The following ZFPM2 variants were observed in gnomAD, a reference collection of about 807,000 sequenced individuals.
ZFPM2 encodes zinc finger protein ZFPM2.
ZFPM2 carries 20 observed loss-of-function variants against 98.6 expected under a neutral mutation model. The ratio of observed to expected loss-of-function variants is 0.20; its 90% CI spans 0.14 to 0.29. ZFPM2 has a LOEUF of 0.29. ZFPM2 is among the 10% of genes least tolerant of loss of function. ZFPM2 has a pLI of 1.00. For missense variants in ZFPM2, 1,310 were observed against 1,388.6 expected (o/e 0.94, Z 0.90); for synonymous variants, 518 against 502.7 (o/e 1.03, Z -0.41).
At chr8:105,529,765 C>G (rs2130577801) in intron 3 of ZFPM2, among the ~76,000 whole-genome samples, 1 of 152,048 alleles carries the variant, frequency 6.6e-6, no homozygotes. Flanking sequence ...GAGTCTTGCA[C>G]TGTCTCCTGG....
At position 105,561,349 on chromosome 8, in the gene ZFPM2, T is replaced by A; in HGVS notation, c.302-14T>A. The A allele has an allele frequency of 6.2e-7, 1 of 1,606,940 alleles. No homozygotes were observed. The highest frequency in any genetic ancestry group is 2.2e-5 in the East Asian group (1 of 44,704). On this transcript the variant is annotated splice_polypyrimidine_tract_variant and intron_variant, in intron 3 of 7. Transcript: ENST00000407775. ...AAGTAAGTATTCTAAACACTTCTGT[T>A]CCTTTGTCTGCAGGAGAGCTGGAGG... is the stretch of plus-strand genomic sequence containing the variant.
At chr8:105,799,036 T>C in intron 7 of ZFPM2, 88 bp downstream of exon 7, 8 of 1,197,118 alleles carry the variant, frequency 6.7e-6, no homozygotes, top group Non-Finnish European at 8.2e-6. Context: ...CGTCTATATC[T>C]GTCTATCTGT....
At chr8:105,754,946 ATGTGTGTGTG>A (rs34267329) in intron 5 of ZFPM2, among the ~76,000 whole-genome samples, 2,172 of 146,540 alleles carry the variant, frequency 0.015, 36 homozygotes, top group East Asian at 0.047. Flanking sequence ...GAAATTTAAT[ATGTGTGTGTG>A]TGTGTGTGTG....
intron 3 of ZFPM2, among the ~76,000 whole-genome samples, chr8:105,512,594 G>A (rs1813839208): frequency 6.6e-6 from 1 of 152,026 alleles, no homozygotes; most frequent in South Asian, 2.1e-4. Context: ...ATTAATGGGT[G>A]GACTCCAGAA....
intron 5 of ZFPM2, among the ~76,000 whole-genome samples, chr8:105,658,571 A>G: frequency 3.0e-5 from 1 of 32,930 alleles, no homozygotes; most frequent in Non-Finnish European, 5.7e-5. Flanking sequence ...CCTGGGCGAC[A>G]GCGAGACTCC....
intron 5 of ZFPM2, among the ~76,000 whole-genome samples, chr8:105,782,070 C>G (rs1813267617): frequency 6.6e-6 from 1 of 152,188 alleles, no homozygotes; most frequent in African/African-American, 2.4e-5. Context: ...ACTTACACTT[C>G]CAGCATCATG....
chr8:105,464,538 A>G lies in ZFPM2; in HGVS notation c.301+20157A>G, dbSNP rs114562700. 4.1e-3 allele frequency among the ~76,000 whole-genome samples: 630 copies of G among 152,124 alleles called. 3 individuals carry two copies. Among genetic ancestry groups the G allele is most frequent in the African/African-American group, 0.014 (597 of 41,522 alleles). On this transcript the variant is annotated intron_variant, in intron 3 of 7. Coordinates refer to ENST00000407775, the MANE Select transcript of ZFPM2 (RefSeq NM_012082.4). ...GAGAGAGAGAAAACCATCAGTCAGG[A>G]TGTGGGAGAATGCAGGCTCCTGATG...
At chr8:105,556,270 G>A (rs138792780) in intron 3 of ZFPM2, among the ~76,000 whole-genome samples, 161 of 152,228 alleles carry the variant, frequency 1.1e-3, no homozygotes, top group African/African-American at 3.5e-3. Context: ...AGGATATGAG[G>A]AGTGATTTGG....
intron 5 of ZFPM2, among the ~76,000 whole-genome samples, chr8:105,725,713 A>G (rs1369508829): frequency 1.3e-5 from 2 of 151,724 alleles, no homozygotes; most frequent in African/African-American, 4.8e-5. Context: ...CTAGCATTTT[A>G]TATATTGTGT....
chr8:105,543,799 A>G (rs1814632420), intron 3 of ZFPM2, among the ~76,000 whole-genome samples: 1 of 152,276 alleles, frequency 6.6e-6, no homozygotes, highest in Middle Eastern at 3.4e-3. Flanking sequence ...CAGGCGTAAT[A>G]CTACATCTTA....
At chr8:105,408,161 T>C (rs897045042) in intron 1 of ZFPM2, among the ~76,000 whole-genome samples, 2 of 151,978 alleles carry the variant, frequency 1.3e-5, no homozygotes, top group African/African-American at 2.4e-5. Context: ...AAGCTAGTTT[T>C]GTTATCACAC....
intron 1 of ZFPM2, among the ~76,000 whole-genome samples, chr8:105,336,684 T>C (rs1812330367): frequency 8.3e-6 from 1 of 121,200 alleles, no homozygotes; most frequent in African/African-American, 3.3e-5. Flanking sequence ...AAATGTAATA[T>C]ACTCCACACA....
intron 3 of ZFPM2, among the ~76,000 whole-genome samples, chr8:105,523,374 A>G (rs1814103961): frequency 6.6e-6 from 1 of 152,194 alleles, no homozygotes; most frequent in East Asian, 1.9e-4. Context: ...GTACAAAATG[A>G]CGAGCGATTT....
chr8:105,682,732 G>A (rs1317329353), intron 5 of ZFPM2, among the ~76,000 whole-genome samples: 3 of 152,086 alleles, frequency 2.0e-5, no homozygotes, highest in Non-Finnish European at 4.4e-5. Flanking sequence ...ATGTAATCCA[G>A]CTGTATGCTC....
chr8:105,446,006 C>G (rs967774926), intron 3 of ZFPM2, among the ~76,000 whole-genome samples: 14 of 151,944 alleles, frequency 9.2e-5, no homozygotes, highest in Admixed American at 2.0e-4. Flanking sequence ...CCACAACCTC[C>G]GCTTCCCAAG....
chr8:105,651,132 A>G (rs950627236), intron 5 of ZFPM2, among the ~76,000 whole-genome samples: 2 of 152,066 alleles, frequency 1.3e-5, no homozygotes, highest in African/African-American at 4.8e-5. Flanking sequence ...CTCTCCATAT[A>G]TATAACTGTA....
At position 105,359,358 on chromosome 8, in the gene ZFPM2, T is replaced by G. The variant is rs534587269; in HGVS notation, c.40+40377T>G. On this transcript the variant is annotated intron_variant, in intron 1 of 7. Transcript: ENST00000407775. ...CGGGTATTTCTTTCTTTTCTTTTTC[T>G]TTTTCTTTCTTTTTTTTTTTTTTTG... Among the ~76,000 whole-genome samples the G allele has an allele frequency of 2.1e-3, 270 of 131,418 alleles. 1 individual carries two copies. The highest frequency in any genetic ancestry group is 6.5e-3 in the African/African-American group (260 of 40,122). 86.2% of individuals were successfully genotyped at this position (131,418 alleles called of 152,430 possible).
chr8:105,739,559 A>T lies in ZFPM2; in HGVS notation c.533-49159A>T, dbSNP rs529440068. The stretch of plus-strand genomic sequence containing the variant: ...AATGCATTCTTGGCTGCAGAACCAG[A>T]ATTCCCTGTAATTTGTTTCATAGGA... On this transcript the variant is annotated intron_variant, in intron 5 of 7. Coordinates refer to ENST00000407775, the MANE Select transcript of ZFPM2 (RefSeq NM_012082.4). Among the ~76,000 whole-genome samples, 18 of 152,036 alleles carry T rather than the reference A, an allele frequency of 1.2e-4. No homozygotes were observed. In the South Asian group the frequency reaches 2.1e-3, roughly 18 times the overall value.
intron 1 of ZFPM2, among the ~76,000 whole-genome samples, chr8:105,327,490 T>C (rs1267215681): frequency 2.6e-5 from 4 of 151,614 alleles, no homozygotes; most frequent in East Asian, 1.9e-4. Flanking sequence ...CTGCAGTAAA[T>C]TGAGGAATAG....
Sources: gnomAD v4.1 joint callset for allele counts (sites outside exome capture counted in the v4.1 genomes callset) on GRCh38, gnomAD v4.1.1 for gene constraint, MANE v1.5 for transcripts, NCBI Gene and HGNC (gene_info 2026-07-23, HGNC 2026-07-21) for gene names.